GALNT14: variants seen among roughly 807,000 people sequenced by gnomAD.
The protein encoded by GALNT14 is UDP-GalNAc:polypeptide N-acetylgalactosaminyltransferase 14.
Under a neutral mutation model 77.5 loss-of-function variants are expected in GALNT14, and 60 were observed. That is an observed-to-expected ratio of 0.77 (90% confidence interval 0.63 to 0.96). The LOEUF is 0.96. Ranked by LOEUF, GALNT14 falls within the 40% of genes least tolerant of loss-of-function variation. The pLI, the probability that GALNT14 is intolerant of heterozygous loss-of-function variation, is 0.00. For missense variants in GALNT14, 710 were observed against 731.0 expected (o/e 0.97, Z 0.33); for synonymous variants, 280 against 281.7 (o/e 0.99, Z 0.06).
intron 1 of GALNT14, among the ~76,000 whole-genome samples, chr2:31,105,729 A>AAAAAAG (rs1163293650): frequency 5.4e-4 from 82 of 152,232 alleles, no homozygotes; most frequent in African/African-American, 1.9e-3. Flanking sequence ...TGTCTCAAAA[A>AAAAAAG]AAAAAGAAAA....
At chr2:30,935,708 C>T (rs1335260805) in intron 9 of GALNT14, among the ~76,000 whole-genome samples, 1 of 152,188 alleles carries the variant, frequency 6.6e-6, no homozygotes, top group Non-Finnish European at 1.5e-5. Context: ...ATCTACATCA[C>T]CAGCTTCAAG....
At chr2:30,905,217 C>T in the GALNT14 span, among the ~76,000 whole-genome samples, 1 of 152,200 alleles carries the variant, frequency 6.6e-6, no homozygotes, top group Non-Finnish European at 1.5e-5. Flanking sequence ...TGGAGAATGA[C>T]TTTGACGAGC....
At chr2:31,111,648 C>T (rs1048565137) in intron 1 of GALNT14, among the ~76,000 whole-genome samples, 1 of 152,160 alleles carries the variant, frequency 6.6e-6, no homozygotes, top group East Asian at 1.9e-4. Context: ...CTGGCGTCAT[C>T]GCTATGACAG....
At chr2:30,980,908 C>T (rs1485177616) in intron 2 of GALNT14, among the ~76,000 whole-genome samples, 2 of 152,212 alleles carry the variant, frequency 1.3e-5, no homozygotes, top group East Asian at 3.9e-4. Context: ...ATGGCAAAAC[C>T]CCGTCTCTAC....
At position 30,942,193 on chromosome 2, in the gene GALNT14, G is replaced by A. The variant is rs761302101; in HGVS notation, c.931+8C>T. On this transcript the variant is annotated splice_region_variant and intron_variant, in intron 9 of 14. Transcript: ENST00000349752. ...AGCATAGGTCAGGATGCAGAGGCAG[G>A]GACTCACCAAAGTTCTCCCCACCCC... 5 of 1,595,758 alleles carry A rather than the reference G, an allele frequency of 3.1e-6. No homozygotes were observed. The highest frequency in any genetic ancestry group is 4.3e-6 in the Non-Finnish European group (5 of 1,163,594).
intron 1 of GALNT14, among the ~76,000 whole-genome samples, chr2:31,078,372 C>T (rs1675940359): frequency 6.6e-6 from 1 of 152,084 alleles, no homozygotes; most frequent in Non-Finnish European, 1.5e-5. Flanking sequence ...CTGGTCAGGC[C>T]CCCGACCCCC....
At chr2:31,086,454 A>G (rs188668304) in intron 1 of GALNT14, among the ~76,000 whole-genome samples, 68 of 152,128 alleles carry the variant, frequency 4.5e-4, no homozygotes, top group Non-Finnish European at 8.2e-4. Flanking sequence ...ACTGCAGAAG[A>G]ATGTGACCTT....
chr2:30,978,589 A>G (rs1668786586), intron 2 of GALNT14, among the ~76,000 whole-genome samples: 1 of 152,178 alleles, frequency 6.6e-6, no homozygotes, highest in South Asian at 2.1e-4. Flanking sequence ...CTGTTGAGCG[A>G]GGATGGTTTT....
chr2:31,094,208 C>T (rs1384182058), intron 1 of GALNT14, among the ~76,000 whole-genome samples: 1 of 152,210 alleles, frequency 6.6e-6, no homozygotes, highest in Non-Finnish European at 1.5e-5. Context: ...GTAATCTCCC[C>T]CATCCTTAAG....
chr2:30,917,395 G>C (rs570087133), intron 13 of GALNT14, among the ~76,000 whole-genome samples: 29 of 152,330 alleles, frequency 1.9e-4, no homozygotes, highest in African/African-American at 6.7e-4. Flanking sequence ...GTAGTGCTGA[G>C]GGTTAGAAGC....
chr2:31,062,179 C>T (rs1246226584), intron 1 of GALNT14, among the ~76,000 whole-genome samples: 2 of 152,140 alleles, frequency 1.3e-5, no homozygotes, highest in East Asian at 3.9e-4. Flanking sequence ...GCACCGCATG[C>T]ATTAGGTATT....
At chr2:31,012,048 C>T (rs2148442954) in intron 1 of GALNT14, among the ~76,000 whole-genome samples, 1 of 152,324 alleles carries the variant, frequency 6.6e-6, no homozygotes, top group Middle Eastern at 3.4e-3. Flanking sequence ...TTCTCTACTC[C>T]TTGGTGACAG....
At chr2:31,033,700 T>C (rs1672549292) in intron 1 of GALNT14, among the ~76,000 whole-genome samples, 1 of 151,992 alleles carries the variant, frequency 6.6e-6, no homozygotes, top group Non-Finnish European at 1.5e-5. Context: ...CTCCAGCGAG[T>C]GAGTCTTTGT....
chr2:31,048,727 T>C (rs190004423), intron 1 of GALNT14, among the ~76,000 whole-genome samples: 1 of 152,020 alleles, frequency 6.6e-6, no homozygotes, highest in Non-Finnish European at 1.5e-5. Context: ...CCTGCCCACA[T>C]GATGTGCCAG....
chr2:31,100,657 G>C (rs980284521), intron 1 of GALNT14, among the ~76,000 whole-genome samples: 1 of 151,302 alleles, frequency 6.6e-6, no homozygotes, highest in Non-Finnish European at 1.5e-5. Context: ...TCCTCAATAA[G>C]CATAATGCTG....
chr2:31,034,308 C>T (rs1672580757), intron 1 of GALNT14, among the ~76,000 whole-genome samples: 4 of 152,166 alleles, frequency 2.6e-5, no homozygotes, highest in Admixed American at 2.6e-4. Context: ...TATTCTTTAG[C>T]TACTTATAGT....
the GALNT14 span, among the ~76,000 whole-genome samples, chr2:30,887,855 A>T: frequency 6.6e-6 from 1 of 152,148 alleles, no homozygotes; most frequent in South Asian, 2.1e-4. Flanking sequence ...CTCTTAGGTC[A>T]TTGATACCTT....
At chr2:30,919,628 C>T (rs1033955565) in intron 13 of GALNT14, among the ~76,000 whole-genome samples, 3 of 150,904 alleles carry the variant, frequency 2.0e-5, no homozygotes, top group African/African-American at 7.4e-5. Context: ...ATACATGGTC[C>T]TGTATCCCCA....
At chr2:31,035,600 T>TAC (rs779892815) in intron 1 of GALNT14, among the ~76,000 whole-genome samples, 39 of 49,600 alleles carry the variant, frequency 7.9e-4, no homozygotes, top group Middle Eastern at 8.8e-3. Flanking sequence ...CATATACATA[T>TAC]ACACACACAC....
Sources: gnomAD v4.1 joint callset for allele counts (sites outside exome capture counted in the v4.1 genomes callset) on GRCh38, gnomAD v4.1.1 for gene constraint, MANE v1.5 for transcripts, NCBI Gene and HGNC (gene_info 2026-07-23, HGNC 2026-07-21) for gene names.